UBXN7: variants seen among roughly 807,000 people sequenced by gnomAD.
UBXN7 encodes UBX domain-containing protein 7.
UBXN7 carries 9 observed loss-of-function variants against 58.0 expected under a neutral mutation model. The observed-to-expected ratio is 0.16, with a 90% CI of 0.09 to 0.27. The LOEUF (loss-of-function observed/expected upper bound fraction) is 0.27, where lower values mean the gene tolerates loss of function less well. UBXN7 is among the 10% of genes least tolerant of loss of function. UBXN7 has a pLI of 1.00. For synonymous variants in UBXN7, 208 were observed against 205.0 expected, an observed-to-expected ratio of 1.01 and a Z score of -0.12; for missense variants, 328 against 599.6, an observed-to-expected ratio of 0.55 and a Z score of 4.73.
intron 8 of UBXN7, among the ~76,000 whole-genome samples, chr3:196,366,274 C>T (rs1560220011): frequency 6.6e-6 from 1 of 151,910 alleles, no homozygotes; most frequent in Non-Finnish European, 1.5e-5. Context: ...CCCAGCACTT[C>T]GGGAGGCCAA....
In UBXN7 at chr3:196,371,793, T is replaced by C. The variant is rs1223457152; in HGVS notation, c.615+103A>G. The C allele has an allele frequency of 2.8e-6, 4 of 1,447,986 alleles. No homozygotes were observed. The East Asian group carries it at 7.4e-5, about 27-fold the overall frequency. 89.7% of individuals were successfully genotyped at this position (1,447,986 alleles called of 1,614,324 possible). A position where few individuals can be genotyped will look rare whatever the true frequency, so the allele number is the denominator to read the frequency against. On this transcript the variant is annotated intron_variant, in intron 6 of 10. Coordinates refer to ENST00000296328, the MANE Select transcript of UBXN7 (RefSeq NM_015562.2). ...CTACTGCCCCCAGCCGGCTTTACCT[T>C]TTTTTAAATGTCTTAATTCATTATA... is the stretch of plus-strand genomic sequence containing the variant.
In UBXN7 at chr3:196,355,783, A is replaced by C. The variant is rs568095643; in HGVS notation, c.*902T>G. The C allele has an allele frequency of 5.8e-4, 89 of 152,352 alleles. No individual in the cohort carries two copies. Among genetic ancestry groups the C allele is most frequent in the African/African-American group, 2.1e-3 (88 of 41,580 alleles). The allele number at this position is 152,352 out of a possible 1,614,324, so 9.4% of individuals were successfully genotyped here. On this transcript the variant is annotated 3_prime_UTR_variant, in exon 11 of 11. Coordinates refer to ENST00000296328, the MANE Select transcript of UBXN7 (RefSeq NM_015562.2). ...TTACAATTCCAAGCCATTGTACTAC[A>C]TGATTATTGACCAGCTGCCTTCCTA...
chr3:196,429,198 G>A (rs1194242366), intron 1 of UBXN7, among the ~76,000 whole-genome samples: 2 of 151,952 alleles, frequency 1.3e-5, no homozygotes, highest in South Asian at 2.1e-4. Flanking sequence ...GTGGTGGCAG[G>A]CGCCTGTGGT....
chr3:196,426,249 C>T (rs953202116), intron 1 of UBXN7, among the ~76,000 whole-genome samples: 9 of 151,628 alleles, frequency 5.9e-5, no homozygotes, highest in African/African-American at 1.2e-4. Flanking sequence ...AGCTGGGTGT[C>T]GTGACGCGCA....
Position 196,353,203 on chromosome 3 carries a change from A to G in UBXN7, c.*3482T>C, listed in dbSNP as rs554347142. 1 of 152,262 alleles carries G rather than the reference A, an allele frequency of 6.6e-6. No homozygotes were observed. Among genetic ancestry groups the G allele is most frequent in the South Asian group, 2.1e-4 (1 of 4,822 alleles). 9.4% of individuals were successfully genotyped at this position (152,262 alleles called of 1,614,324 possible). On this transcript the variant is annotated 3_prime_UTR_variant, in exon 11 of 11. Coordinates refer to ENST00000296328, the MANE Select transcript of UBXN7 (RefSeq NM_015562.2). ...CTTGCTGAAGGAGACCACAGCATGG[A>G]CTCTGGATTCCAATTCTGATTTGCC... is the stretch of plus-strand genomic sequence containing the variant.
chr3:196,368,238 A>T lies in UBXN7; in HGVS notation c.707-83T>A. On this transcript the variant is annotated intron_variant, in intron 7 of 10. Coordinates refer to ENST00000296328, the MANE Select transcript of UBXN7 (RefSeq NM_015562.2). Reference sequence around the variant, plus strand: ...ATTCTCCAGGATCTATAAATATAATACCTAGAATCCTTCTGAACACTCTCA... The same window carrying T: ...ATTCTCCAGGATCTATAAATATAATTCCTAGAATCCTTCTGAACACTCTCA... 2.2e-6 allele frequency: 3 copies of T among 1,384,448 alleles called. No homozygotes were observed. In the South Asian group the frequency reaches 4.6e-5, roughly 21 times the overall value. The allele number at this position is 1,384,448 out of a possible 1,614,324, so 85.8% of individuals were successfully genotyped here.
chr3:196,381,834 G>A (rs540012973), intron 5 of UBXN7, among the ~76,000 whole-genome samples: 7 of 152,314 alleles, frequency 4.6e-5, no homozygotes, highest in South Asian at 4.1e-4. Flanking sequence ...CGAGAACTTC[G>A]TGACGCTTGC....
intron 8 of UBXN7, among the ~76,000 whole-genome samples, chr3:196,367,098 G>A (rs547748407): frequency 2.0e-5 from 3 of 151,614 alleles, no homozygotes; most frequent in East Asian, 1.9e-4. Context: ...CAGGAGAATC[G>A]CTTGAACCCA....
rs1177328438 is a variant in UBXN7 at position 196,349,435 on chromosome 3, T to A, written c.*7250A>T. The stretch of plus-strand genomic sequence containing the variant: ...TCAAAAAGTTATTGTTAAAAGCATA[T>A]GATTAGTGTCATAAACATATTTATA... On this transcript the variant is annotated 3_prime_UTR_variant, in exon 11 of 11. Transcript: ENST00000296328. 2.0e-5 allele frequency: 3 copies of A among 152,202 alleles called. No homozygotes were observed. Among genetic ancestry groups the A allele is most frequent in the African/African-American group, 7.2e-5 (3 of 41,456 alleles). The allele number at this position is 152,202 out of a possible 1,614,324, so 9.4% of individuals were successfully genotyped here.
rs926716974 is a variant in UBXN7 at position 196,428,921 on chromosome 3, C to A, written c.73+3406G>T. 2.6e-5 allele frequency among the ~76,000 whole-genome samples: 4 copies of A among 151,202 alleles called. No homozygotes were observed. In the East Asian group the frequency reaches 7.7e-4, roughly 29 times the overall value. On this transcript the variant is annotated intron_variant, in intron 1 of 10. Transcript: ENST00000296328. ...GCACAGTGATGTGCACCTGTAGCCC[C>A]AGTTACTGGGAGGGCTGAGGCAAGA...
At chr3:196,366,413 G>C (rs985566223) in intron 8 of UBXN7, among the ~76,000 whole-genome samples, 1 of 151,548 alleles carries the variant, frequency 6.6e-6, no homozygotes, top group African/African-American at 2.4e-5. Context: ...CTACTCAGGA[G>C]GCTGAGGCAA....
At chr3:196,371,010 C>T (rs1728817432) in intron 6 of UBXN7, among the ~76,000 whole-genome samples, 1 of 152,088 alleles carries the variant, frequency 6.6e-6, no homozygotes, top group Non-Finnish European at 1.5e-5. Context: ...GGTGACAGAG[C>T]AAAACCCTGT....
intron 5 of UBXN7, among the ~76,000 whole-genome samples, chr3:196,378,745 T>C (rs1010781375): frequency 6.6e-6 from 1 of 152,130 alleles, no homozygotes; most frequent in Non-Finnish European, 1.5e-5. Flanking sequence ...ATGTTGGTTT[T>C]GGGGGATTTT....
chr3:196,402,828 G>T, intron 3 of UBXN7, 124 bp downstream of exon 3: 1 of 1,108,450 alleles, frequency 9.0e-7, no homozygotes. Context: ...CAGGACTATA[G>T]AAAAAATAAG....
At chr3:196,421,732 G>A (rs145738205) in intron 1 of UBXN7, among the ~76,000 whole-genome samples, 8 of 150,262 alleles carry the variant, frequency 5.3e-5, no homozygotes, top group South Asian at 2.1e-4. Context: ...AGCCAAGATC[G>A]CACCACTGCA....
chr3:196,401,186 C>T (rs1310096595), intron 3 of UBXN7, among the ~76,000 whole-genome samples: 19 of 134,054 alleles, frequency 1.4e-4, no homozygotes, highest in African/African-American at 5.3e-4. Flanking sequence ...CCGAGGCGGG[C>T]GGCTCACCTG....
intron 5 of UBXN7, among the ~76,000 whole-genome samples, chr3:196,375,131 T>C (rs1243833464): frequency 1.3e-5 from 2 of 151,194 alleles, no homozygotes; most frequent in East Asian, 3.9e-4. Flanking sequence ...TACTTAATAA[T>C]ATCGTATTAT....
Position 196,351,208 on chromosome 3 carries a change from T to C in UBXN7, c.*5477A>G, listed in dbSNP as rs982188433. On this transcript the variant is annotated 3_prime_UTR_variant, in exon 11 of 11. Transcript: ENST00000296328. Reference sequence around the variant, plus strand: ...CTGCCAAAACCAGGTGTGAATCTTATACAAATCAATTTCCCAACAGGCCAG... The same window carrying C: ...CTGCCAAAACCAGGTGTGAATCTTACACAAATCAATTTCCCAACAGGCCAG... 6 of 152,222 alleles carry C rather than the reference T, an allele frequency of 3.9e-5. No individual in the cohort carries two copies. The highest frequency in any genetic ancestry group is 1.9e-4 in the East Asian group (1 of 5,196). The allele number at this position is 152,222 out of a possible 1,614,324, so 9.4% of individuals were successfully genotyped here.
chr3:196,371,984 T>A lies in UBXN7; in HGVS notation c.527A>T (p.Gln176Leu). The A allele has an allele frequency of 6.2e-7, 1 of 1,613,550 alleles. No homozygotes were observed. The highest frequency in any genetic ancestry group is 8.5e-7 in the Non-Finnish European group (1 of 1,179,916). Residue 176 changes from glutamine (Q) to leucine (L), a missense_variant, in exon 6 of 11, where the codon CAA becomes CTA. By Grantham distance (113) the Gln-to-Leu change is moderately radical. Transcript: ENST00000296328. ...GTTGAGGCACTGACATGCAAAGTCT[T>A]GAACATTTTGAATGTTTATCATCAG... is the stretch of plus-strand genomic sequence containing the variant. ...KWLMINIQNV[Q>L]DFACQCLNRD...
Sources: gnomAD v4.1 joint callset for allele counts (sites outside exome capture counted in the v4.1 genomes callset) on GRCh38, gnomAD v4.1.1 for gene constraint, MANE v1.5 for transcripts, NCBI Gene and HGNC (gene_info 2026-07-23, HGNC 2026-07-21) for gene names.